CAMK2B: variants seen among roughly 807,000 people sequenced by gnomAD.
CAMK2B encodes the protein calcium/calmodulin-dependent protein kinase type II subunit beta.
CAMK2B carries 27 observed loss-of-function variants against 93.7 expected under a neutral mutation model. The ratio of observed to expected loss-of-function variants is 0.29; its 90% confidence interval spans 0.21 to 0.40. CAMK2B has a LOEUF of 0.40. CAMK2B is among the 10% of genes least tolerant of loss of function. The pLI is 1.00. For missense variants in CAMK2B, 568 were observed against 895.8 expected (o/e 0.63, Z 4.67); for synonymous variants, 374 against 358.8 (o/e 1.04, Z -0.48).
At chr7:44,228,996 C>T (rs769728374) in intron 18 of CAMK2B, 72 bp from the exon 19 acceptor site, 14 of 1,450,762 alleles carry the variant, frequency 9.7e-6, no homozygotes, top group Middle Eastern at 1.7e-4. Flanking sequence ...CGGAGGAGGC[C>T]AGTGGGAGGG....
chr7:44,237,912 G>A (rs1057366068), intron 13 of CAMK2B, among the ~76,000 whole-genome samples: 1 of 152,138 alleles, frequency 6.6e-6, no homozygotes, highest in Non-Finnish European at 1.5e-5. Context: ...CAGCTGGCCG[G>A]ACACTGGGTC....
intron 11 of CAMK2B, among the ~76,000 whole-genome samples, chr7:44,241,182 G>A (rs1050706682): frequency 1.3e-5 from 2 of 152,098 alleles, no homozygotes; most frequent in Non-Finnish European, 2.9e-5. Flanking sequence ...TCCCCATCCC[G>A]GAACCCACAA....
intron 2 of CAMK2B, among the ~76,000 whole-genome samples, chr7:44,269,725 C>T (rs1001353733): frequency 3.3e-5 from 5 of 152,234 alleles, no homozygotes; most frequent in African/African-American, 1.2e-4. Flanking sequence ...GCACAAGGCC[C>T]ACCTGTGTCA....
chr7:44,254,470 G>A, intron 5 of CAMK2B, 72 bp downstream of exon 5: 11 of 1,097,274 alleles, frequency 1.0e-5, no homozygotes, highest in Non-Finnish European at 1.4e-5. Flanking sequence ...AAGAGCAGCA[G>A]GAGTGGGTGA....
intron 5 of CAMK2B, among the ~76,000 whole-genome samples, chr7:44,252,054 G>A (rs190270019): frequency 4.5e-4 from 69 of 152,324 alleles, no homozygotes; most frequent in African/African-American, 1.6e-3. Flanking sequence ...GTGGGTGTGT[G>A]TGGGGTGCTG....
chr7:44,263,431 G>A (rs2096897212), intron 2 of CAMK2B, among the ~76,000 whole-genome samples: 2 of 152,192 alleles, frequency 1.3e-5, no homozygotes, highest in South Asian at 4.1e-4. Flanking sequence ...TTGTTCTTCC[G>A]AGGCAGGGGA....
intron 5 of CAMK2B, 37 bp from the exon 6 acceptor site, chr7:44,247,229 C>A: frequency 6.3e-7 from 1 of 1,587,360 alleles, no homozygotes; most frequent in African/African-American, 1.3e-5. Flanking sequence ...GCGAGTGGCC[C>A]TGGGGAGCAG....
intron 1 of CAMK2B, among the ~76,000 whole-genome samples, chr7:44,303,389 A>G (rs1185546585): frequency 1.3e-5 from 2 of 152,202 alleles, no homozygotes; most frequent in African/African-American, 4.8e-5. Flanking sequence ...TTTTGTGTAT[A>G]TCAACAAACT....
chr7:44,266,522 G>T (rs1379289955), intron 2 of CAMK2B, among the ~76,000 whole-genome samples: 7 of 152,214 alleles, frequency 4.6e-5, no homozygotes, highest in South Asian at 4.1e-4. Flanking sequence ...CCCAGACAGT[G>T]GAGCAACCAT....
intron 1 of CAMK2B, among the ~76,000 whole-genome samples, chr7:44,317,247 T>TAAAA (rs368906640): frequency 2.1e-5 from 2 of 96,674 alleles, no homozygotes; most frequent in African/African-American, 3.8e-5. Context: ...CCAGGAAAAA[T>TAAAA]GAAAAAAAAA....
At chr7:44,280,146 C>T (rs933066853) in intron 2 of CAMK2B, among the ~76,000 whole-genome samples, 13 of 152,216 alleles carry the variant, frequency 8.5e-5, no homozygotes, top group African/African-American at 3.1e-4. Flanking sequence ...AGGAACGAGA[C>T]AGAATGTGCA....
In CAMK2B at chr7:44,255,761, T is replaced by C. The variant is rs569714147; in HGVS notation, c.276-1154A>G. ...ACCCAGGGAGTGGATCTGTTGAACA[T>C]GTGACCTTGGCACATGTGGGTGCTC... On this transcript the variant is annotated intron_variant, in intron 4 of 23. Transcript: ENST00000395749. Among the ~76,000 whole-genome samples the C allele has an allele frequency of 2.0e-5, 3 of 152,288 alleles. No individual in the cohort carries two copies. In the South Asian group the frequency reaches 6.2e-4, roughly 32 times the overall value.
chr7:44,246,436 CACACAGACACACACACACATGCAT>C (rs1195487247), intron 6 of CAMK2B, among the ~76,000 whole-genome samples: 2 of 151,990 alleles, frequency 1.3e-5, no homozygotes, highest in Non-Finnish European at 2.9e-5. Flanking sequence ...CACACATGCC[CACACAGACACACACACACATGCAT>C]ACACGCACAC....
intron 1 of CAMK2B, among the ~76,000 whole-genome samples, chr7:44,315,888 T>G (rs997037618): frequency 2.6e-5 from 4 of 152,238 alleles, no homozygotes; most frequent in African/African-American, 9.6e-5. Context: ...TACAATGGAT[T>G]TTTGTATATT....
intron 19 of CAMK2B, among the ~76,000 whole-genome samples, chr7:44,228,537 C>T (rs1478079073): frequency 2.0e-5 from 3 of 152,060 alleles, no homozygotes; most frequent in Non-Finnish European, 2.9e-5. Context: ...TGGAGAGGGG[C>T]CTGGGGCTGG....
chr7:44,288,788 T>G (rs941630193), intron 1 of CAMK2B, among the ~76,000 whole-genome samples: 2 of 152,122 alleles, frequency 1.3e-5, no homozygotes, highest in Non-Finnish European at 2.9e-5. Flanking sequence ...CGGAACTACA[T>G]GGCCTGTTTC....
rs1175585393 is a variant in CAMK2B, at chr7:44,248,605, C to A, written c.342-1413G>T. Among the ~76,000 whole-genome samples the A allele has an allele frequency of 2.0e-5, 3 of 152,232 alleles. No homozygotes were observed. The highest frequency in any genetic ancestry group is 7.2e-5 in the African/African-American group (3 of 41,462). Reference sequence around the variant, plus strand: ...CCCCTCAAGACCCTTCTATCCCAGCCAGATCCTTGGGGACAGGAGGGTGAC... The same window carrying A: ...CCCCTCAAGACCCTTCTATCCCAGCAAGATCCTTGGGGACAGGAGGGTGAC... On this transcript the variant is annotated intron_variant, in intron 5 of 23. Transcript: ENST00000395749. The surrounding 1 kb of genome is among the most constrained non-coding windows in gnomAD (Gnocchi z 4.1).
At chr7:44,247,045 C>A in intron 6 of CAMK2B, 75 bp downstream of exon 6, 1 of 1,219,978 alleles carries the variant, frequency 8.2e-7, no homozygotes, top group Non-Finnish European at 1.2e-6. Flanking sequence ...CACTGTCCAG[C>A]CCCTCACACT....
chr7:44,283,913 G>C (rs1784390290), intron 2 of CAMK2B, among the ~76,000 whole-genome samples: 1 of 152,206 alleles, frequency 6.6e-6, no homozygotes, highest in South Asian at 2.1e-4. Context: ...GGCCCCACCA[G>C]GCCAGAGGTG....
Sources: allele counts gnomAD v4.1 joint callset (sites outside exome capture counted in the v4.1 genomes callset), GRCh38; gene constraint gnomAD v4.1.1; non-coding constraint Gnocchi (gnomAD v3.1); transcripts MANE v1.5; gene names NCBI Gene and HGNC (gene_info 2026-07-23, HGNC 2026-07-21).